The following PAX9 variants were observed in gnomAD, a reference collection of about 807,000 sequenced individuals.
The protein encoded by PAX9 is paired box 9.
In PAX9, 6 loss-of-function variants were observed where a neutral mutation model predicts 29.1. The ratio of observed to expected loss-of-function variants is 0.21; its 90% CI spans 0.11 to 0.41. The LOEUF (loss-of-function observed/expected upper bound fraction) is 0.41. Ranked by LOEUF, PAX9 falls within the 10% of genes least tolerant of loss-of-function variation. The pLI, the probability that PAX9 is intolerant of heterozygous loss-of-function variation, is 1.00. For synonymous variants in PAX9, 217 were observed against 211.7 expected (o/e 1.03, Z -0.22); for missense variants, 443 against 479.1 (o/e 0.92, Z 0.70).
chr14:36,663,033 G>A lies in PAX9; in HGVS notation c.141G>A (p.Arg47=), dbSNP rs755202726. 1.9e-6 allele frequency: 3 copies of A among 1,613,848 alleles called. No individual in the cohort carries two copies. Among genetic ancestry groups the A allele is most frequent in the Non-Finnish European group, 1.7e-6 (2 of 1,180,034 alleles). Residue 47 remains arginine, a synonymous_variant, in exon 2 of 4, where the codon CGG becomes CGA. Coordinates refer to ENST00000361487, the MANE Select transcript of PAX9 (RefSeq NM_001372076.1). ...IRPCDISRQL[R]VSHGCVSKIL... The stretch of plus-strand genomic sequence containing the variant: ...CGTGTGACATCAGCCGCCAGCTACG[G>A]GTCTCGCACGGCTGCGTCAGCAAGA...
In PAX9 at chr14:36,663,141, G is replaced by A. The variant is rs998892747; in HGVS notation, c.249G>A (p.Val83=). 3 of 1,613,882 alleles carry A rather than the reference G, an allele frequency of 1.9e-6. No individual in the cohort carries two copies. The African/African-American group carries it at 4.0e-5, about 22-fold the overall frequency. The stretch of plus-strand genomic sequence containing the variant: ...AGCCCCGGGTCACTACCCCCACCGT[G>A]GTGAAACACATCCGGACCTACAAGC... ...GSKPRVTTPT[V]VKHIRTYKQR... Residue 83 remains valine (V), a synonymous_variant, in exon 2 of 4, where the codon GTG becomes GTA. Transcript: ENST00000361487.
chr14:36,663,616 T>C (rs372844886), intron 2 of PAX9, 93 bp downstream of exon 2: 3 of 1,502,768 alleles, frequency 2.0e-6, no homozygotes, highest in East Asian at 4.7e-5. Context: ...GGACACTGTC[T>C]TTCCCACCAC....
chr14:36,666,292 C>A, intron 2 of PAX9, 170 bp from the exon 3 acceptor site: 1 of 754,636 alleles, frequency 1.3e-6, no homozygotes, highest in Non-Finnish European at 2.1e-6. Flanking sequence ...AGGCCCTGGG[C>A]TGGAAGCACA....
At position 36,663,666 on chromosome 14, in the gene PAX9, G is replaced by C. The variant is rs904460493; in HGVS notation, c.631+143G>C. ...TTTGGAAACGTAAGGAGTCTTCCTA[G>C]GGGGTGTTCTGATCTCATTAACTTG... On this transcript the variant is annotated intron_variant, in intron 2 of 3. Coordinates refer to ENST00000361487, the MANE Select transcript of PAX9 (RefSeq NM_001372076.1). 40 of 1,057,862 alleles carry C rather than the reference G, an allele frequency of 3.8e-5. 1 individual carries two copies. Among genetic ancestry groups the C allele is most frequent in the Middle Eastern group, 5.8e-4 (2 of 3,448 alleles). The allele number at this position is 1,057,862 out of a possible 1,614,324, so 65.5% of individuals were successfully genotyped here.
rs550954668 is a variant in PAX9, at chr14:36,671,058, T to C, written c.771+4457T>C. ...TCTTGTTTATTTTCAGATCCAAAAC[T>C]TTTTCTTGCTTATGATATCGAGGTT... On this transcript the variant is annotated intron_variant, in intron 3 of 3. Transcript: ENST00000361487. The C allele has an allele frequency of 1.5e-4, 66 of 435,648 alleles. 1 individual carries two copies. The highest frequency in any genetic ancestry group is 1.0e-3 in the South Asian group (62 of 59,850). The allele number at this position is 435,648 out of a possible 1,614,324, so 27.0% of individuals were successfully genotyped here. A position where few individuals can be genotyped will look rare whatever the true frequency, so the allele number is the denominator to read the frequency against.
At chr14:36,659,476 C>A (rs1335121978), upstream of PAX9, among the ~76,000 whole-genome samples, 2 of 152,194 alleles carry the variant, frequency 1.3e-5, no homozygotes, top group African/African-American at 4.8e-5. Context: ...GCTTCTCTTG[C>A]TCCCAGAGCG....
At chr14:36,658,552 C>G (rs548721540), upstream of PAX9, 10 of 152,530 alleles carry the variant, frequency 6.6e-5, no homozygotes, top group East Asian at 1.9e-3. Context: ...ACCTGTAGAC[C>G]CGGAGGAGCA....
At chr14:36,667,887 G>A (rs1881565454) in intron 3 of PAX9, among the ~76,000 whole-genome samples, 1 of 152,122 alleles carries the variant, frequency 6.6e-6, no homozygotes, top group Non-Finnish European at 1.5e-5. Flanking sequence ...GCAAAGAAAA[G>A]GCAGAATAGT....
chr14:36,663,665 AG>A (rs1881379652), intron 2 of PAX9, 142 bp downstream of exon 2: 2 of 1,074,310 alleles, frequency 1.9e-6, no homozygotes, highest in South Asian at 1.4e-5. Flanking sequence ...GAGTCTTCCT[AG>A]GGGGTGTTCT....
chr14:36,659,249 T>C (rs554423089), upstream of PAX9, among the ~76,000 whole-genome samples: 13 of 152,360 alleles, frequency 8.5e-5, no homozygotes, highest in South Asian at 2.5e-3. Context: ...CTTGTTCTTG[T>C]TCTAGGTCCT....
chr14:36,669,423 T>C (rs1955734), intron 3 of PAX9, among the ~76,000 whole-genome samples: 72,725 of 151,748 alleles, frequency 0.48, 19,723 homozygotes, highest in East Asian at 0.75. Context: ...GACAATAACT[T>C]GAATGTCTTT....
At chr14:36,663,853 T>A (rs1052970215) in intron 2 of PAX9, among the ~76,000 whole-genome samples, 7 of 151,970 alleles carry the variant, frequency 4.6e-5, no homozygotes, top group Admixed American at 3.3e-4. Flanking sequence ...ACTTGGAGAG[T>A]GCGGCCGGGG....
chr14:36,674,276 T>TA (rs1881803231), intron 3 of PAX9, among the ~76,000 whole-genome samples: 1 of 152,242 alleles, frequency 6.6e-6, no homozygotes, highest in Admixed American at 6.5e-5. Flanking sequence ...TGTTACCAGA[T>TA]GTTATCTCAA....
At position 36,672,852 on chromosome 14, in the gene PAX9, C is replaced by CTTTTTTT. The variant is rs3061562; in HGVS notation, c.772-3322_772-3316dup. Among the ~76,000 whole-genome samples the CTTTTTTT allele has an allele frequency of 2.0e-3, 38 of 19,160 alleles. 8 individuals carry two copies. Among genetic ancestry groups the CTTTTTTT allele is most frequent in the South Asian group, 8.1e-3 (2 of 246 alleles). The allele number at this position is 19,160 out of a possible 152,430, so 12.6% of individuals were successfully genotyped here. A position where few individuals can be genotyped will look rare whatever the true frequency, so the allele number is the denominator to read the frequency against. On this transcript the variant is annotated intron_variant, in intron 3 of 3. Transcript: ENST00000361487. The stretch of plus-strand genomic sequence containing the variant: ...TTCTTTTTTCTTTCTTTCTTTCTTC[C>CTTTTTTT]TTTTTTTTTTTTTTTTTTTTTTTTT...
chr14:36,670,212 A>G (rs1881651804), intron 3 of PAX9, among the ~76,000 whole-genome samples: 2 of 152,052 alleles, frequency 1.3e-5, no homozygotes, highest in South Asian at 2.1e-4. Flanking sequence ...AAGTAATTGG[A>G]GTGACAGATT....
intron 3 of PAX9, among the ~76,000 whole-genome samples, chr14:36,668,065 T>C (rs929459186): frequency 1.3e-5 from 2 of 152,220 alleles, no homozygotes; most frequent in Non-Finnish European, 2.9e-5. Flanking sequence ...TAAGCATTTA[T>C]TAAGTATTGT....
chr14:36,678,387 C>T lies in PAX9; in HGVS notation c.*1935C>T. The T allele has an allele frequency of 9.3e-7, 1 of 1,071,682 alleles. No homozygotes were observed. The highest frequency in any genetic ancestry group is 2.0e-4 in the Middle Eastern group (1 of 5,048). The allele number at this position is 1,071,682 out of a possible 1,614,324, so 66.4% of individuals were successfully genotyped here. A position where few individuals can be genotyped will look rare whatever the true frequency, so the allele number is the denominator to read the frequency against. On this transcript the variant is annotated 3_prime_UTR_variant, in exon 4 of 4. Coordinates refer to ENST00000361487, the MANE Select transcript of PAX9 (RefSeq NM_001372076.1). ...CAGTGCTACAAATAGAGGATTATAACTTCAGGAGAAGAATAAGCAGAAGGA... is the reference window on the plus strand; with the variant it reads ...CAGTGCTACAAATAGAGGATTATAATTTCAGGAGAAGAATAAGCAGAAGGA...
chr14:36,663,220 G>T lies in PAX9; in HGVS notation c.328G>T (p.Gly110Cys). 2 of 1,614,032 alleles carry T rather than the reference G, an allele frequency of 1.2e-6. No homozygotes were observed. Residue 110 changes from glycine to cysteine, a missense_variant, in exon 2 of 4, where the codon GGC becomes TGC. This residue lies in a region of PAX9 where 107 missense variants were observed against 161.9 expected (regional missense o/e 0.66). Transcript: ENST00000361487. ...GATCCGGGACCGCCTGCTGGCGGAC[G>T]GCGTGTGCGACAAGTACAATGTGCC... ...WEIRDRLLAD[G>C]VCDKYNVPSV... is the part of the protein sequence containing the mutation.
chr14:36,660,920 G>T (rs1231756120), upstream of PAX9, among the ~76,000 whole-genome samples: 1 of 152,244 alleles, frequency 6.6e-6, no homozygotes, highest in Non-Finnish European at 1.5e-5. Context: ...TGGAAGACGA[G>T]GGAATTACAT....
Sources: allele counts gnomAD v4.1 joint callset (sites outside exome capture counted in the v4.1 genomes callset), GRCh38; gene constraint gnomAD v4.1.1; regional missense constraint gnomAD v4.1.1; transcripts MANE v1.5; gene names NCBI Gene and HGNC (gene_info 2026-07-23, HGNC 2026-07-21).